The following SEMA4D variants were observed in gnomAD, a reference collection of about 807,000 sequenced individuals.
SEMA4D encodes semaphorin 4D, also known as semaphorin-4D.
Under a neutral mutation model 74.8 loss-of-function variants are expected in SEMA4D, and 22 were observed. The observed-to-expected ratio is 0.29, with a 90% CI of 0.21 to 0.42. SEMA4D has a LOEUF of 0.42. SEMA4D is among the 10% of genes least tolerant of loss of function. The pLI, the probability that SEMA4D is intolerant of heterozygous loss-of-function variation, is 1.00. For synonymous variants in SEMA4D, 445 were observed against 463.7 expected, an observed-to-expected ratio of 0.96 and a Z score of 0.52; for missense variants, 937 against 1,118.4, an observed-to-expected ratio of 0.84 and a Z score of 2.31.
intron 1 of SEMA4D, among the ~76,000 whole-genome samples, chr9:89,474,432 C>G (rs1318860710): frequency 6.6e-6 from 1 of 152,198 alleles, no homozygotes; most frequent in East Asian, 1.9e-4. Context: ...TTCTTAATTA[C>G]TAGCTATGTT....
chr9:89,426,645 C>G (rs1405652745), intron 2 of SEMA4D, among the ~76,000 whole-genome samples: 1 of 152,174 alleles, frequency 6.6e-6, no homozygotes, highest in African/African-American at 2.4e-5. Flanking sequence ...TGCTGTCTTA[C>G]CGTCGTGCGC....
chr9:89,398,537 C>T (rs1052295015), intron 5 of SEMA4D, among the ~76,000 whole-genome samples: 5 of 152,182 alleles, frequency 3.3e-5, no homozygotes, highest in Non-Finnish European at 7.4e-5. Flanking sequence ...TGTGTGTACC[C>T]AAAAAAGGCT....
At chr9:89,363,811 C>A (rs1275307680) in exon 17 of SEMA4D, 1 of 1,614,000 alleles carries the variant, frequency 6.2e-7, no homozygotes, top group Non-Finnish European at 8.5e-7. Context: ...AGCAGCGATA[C>A]TCAGCGCTTT....
chr9:89,470,378 A>T (rs1859863035), intron 1 of SEMA4D, among the ~76,000 whole-genome samples: 1 of 152,248 alleles, frequency 6.6e-6, no homozygotes, highest in Non-Finnish European at 1.5e-5. Context: ...TTAGCACATG[A>T]AAAGATGTTT....
In SEMA4D at chr9:89,450,687, A is replaced by AAAAAAAG. The variant is rs1372309489; in HGVS notation, c.-244+5200_-244+5201insCTTTTTT. ...AAAAAAAAAAAAAAAAAAAAAAAAA[A>AAAAAAAG]GGCCTCCAAGACTGCAGAGAATGCC... On this transcript the variant is annotated intron_variant, in intron 2 of 15. Transcript: ENST00000422704. 184 of 982,452 alleles carry AAAAAAAG rather than the reference A, an allele frequency of 1.9e-4. 4 individuals are homozygous for AAAAAAAG. In the African/African-American group the frequency reaches 3.1e-3, roughly 17 times the overall value. 60.9% of individuals were successfully genotyped at this position (982,452 alleles called of 1,614,324 possible). A position where few individuals can be genotyped will look rare whatever the true frequency, so the allele number is the denominator to read the frequency against.
chr9:89,485,227 C>A (rs1825084322), intron 1 of SEMA4D, among the ~76,000 whole-genome samples: 1 of 152,140 alleles, frequency 6.6e-6, no homozygotes, highest in African/African-American at 2.4e-5. Context: ...ACAAACTGTT[C>A]TTAACACATG....
At chr9:89,450,711 C>T in intron 2 of SEMA4D, 3 of 1,238,520 alleles carry the variant, frequency 2.4e-6, no homozygotes, top group Non-Finnish European at 3.4e-6. Context: ...GCAGAGAATG[C>T]CACCAGTGGG....
chr9:89,449,640 G>A (rs1853862638), intron 2 of SEMA4D: 1 of 1,378,350 alleles, frequency 7.3e-7, no homozygotes. Flanking sequence ...GGGTGACATT[G>A]CCAATGGGGT....
intron 18 of SEMA4D, among the ~76,000 whole-genome samples, chr9:89,363,274 C>T (rs74351835): frequency 1.3e-5 from 2 of 152,120 alleles, no homozygotes; most frequent in Non-Finnish European, 2.9e-5. Flanking sequence ...ATTTCCCCCC[C>T]CAGTGTTGCA....
At chr9:89,371,789 TGTTTGG>T in intron 16 of SEMA4D, among the ~76,000 whole-genome samples, 1 of 25,740 alleles carries the variant, frequency 3.9e-5, no homozygotes, top group African/African-American at 1.7e-4. Context: ...TGTCGGGGTG[TGTTTGG>T]GGTGTGTGTG....
intron 2 of SEMA4D, among the ~76,000 whole-genome samples, chr9:89,420,524 T>G (rs1383273971): frequency 6.6e-6 from 1 of 152,218 alleles, no homozygotes; most frequent in Non-Finnish European, 1.5e-5. Flanking sequence ...CAGGAGAGTG[T>G]GGGGCTCCAA....
chr9:89,420,476 T>C (rs1454410403), intron 2 of SEMA4D, among the ~76,000 whole-genome samples: 1 of 152,226 alleles, frequency 6.6e-6, no homozygotes, highest in Non-Finnish European at 1.5e-5. Flanking sequence ...TTCCCTCTCA[T>C]GGCCTTCACA....
chr9:89,395,147 G>A (rs1026906580), intron 6 of SEMA4D, among the ~76,000 whole-genome samples: 20 of 152,102 alleles, frequency 1.3e-4, no homozygotes, highest in African/African-American at 3.6e-4. Flanking sequence ...AAAAATTGAC[G>A]GGGCGTGGTG....
intron 16 of SEMA4D, among the ~76,000 whole-genome samples, chr9:89,370,669 ATGTGTGGTG>A: frequency 8.0e-6 from 1 of 125,620 alleles, no homozygotes. Flanking sequence ...CGTCATGCTC[ATGTGTGGTG>A]TGTGTGTCTG....
chr9:89,391,984 G>A lies in SEMA4D; in HGVS notation c.622+439C>T, dbSNP rs527362517. 7.9e-5 allele frequency among the ~76,000 whole-genome samples: 12 copies of A among 152,308 alleles called. 1 individual carries two copies. Among genetic ancestry groups the A allele is most frequent in the Admixed American group, 5.2e-4 (8 of 15,300 alleles). On this transcript the variant is annotated intron_variant, in intron 8 of 15. Transcript: ENST00000422704. ...TTCCTGCACATTGAAGACGGACATCGGACATGTGCTGCTGGCAGCAACAAG... is the reference window on the plus strand; with the variant it reads ...TTCCTGCACATTGAAGACGGACATCAGACATGTGCTGCTGGCAGCAACAAG...
intron 13 of SEMA4D, chr9:89,385,865 T>TTGGGGGGGGGGGGGC: frequency 1.4e-5 from 3 of 213,330 alleles, no homozygotes; most frequent in Non-Finnish European, 2.4e-5. Flanking sequence ...CCAGCGTGGA[T>TTGGGGGGGGGGGGGC]GCCCGCCCAC....
At chr9:89,394,616 C>T (rs1444851509) in intron 6 of SEMA4D, among the ~76,000 whole-genome samples, 1 of 152,218 alleles carries the variant, frequency 6.6e-6, no homozygotes, top group African/African-American at 2.4e-5. Context: ...GCAAGGGCAC[C>T]CAGCACCTCT....
intron 1 of SEMA4D, among the ~76,000 whole-genome samples, chr9:89,482,282 C>T (rs550606552): frequency 2.0e-5 from 3 of 152,298 alleles, no homozygotes; most frequent in Admixed American, 6.5e-5. Context: ...ATCACTCTGA[C>T]GACCACGAGG....
rs143329680 is a variant in SEMA4D, at chr9:89,469,019, C to T, written c.-309-13066G>A. ...ACTACAGTCCTGATTAGACTGGTTC[C>T]ACACAGAGGCTGCATTTAAAACACT... On this transcript the variant is annotated intron_variant, in intron 1 of 15. Transcript: ENST00000422704. Among the ~76,000 whole-genome samples, 334 of 152,196 alleles carry T rather than the reference C, an allele frequency of 2.2e-3. 3 individuals are homozygous for T. Among genetic ancestry groups the T allele is most frequent in the Non-Finnish European group, 4.0e-3 (271 of 68,026 alleles).
Sources: gnomAD v4.1 joint callset for allele counts (sites outside exome capture counted in the v4.1 genomes callset) on GRCh38, gnomAD v4.1.1 for gene constraint, MANE v1.5 for transcripts, NCBI Gene and HGNC (gene_info 2026-07-23, HGNC 2026-07-21) for gene names.